Variants in ANKRD18A observed in about 807,000 individuals in gnomAD.
The protein encoded by ANKRD18A is ankyrin repeat domain-containing protein 18A.
In ANKRD18A, 72 loss-of-function variants were observed where a neutral mutation model predicts 110.6. The ratio of observed to expected loss-of-function variants is 0.65; its 90% CI spans 0.54 to 0.79. ANKRD18A has a LOEUF of 0.79. ANKRD18A is among the 30% of genes least tolerant of loss of function. ANKRD18A has a pLI of 0.00. For synonymous variants in ANKRD18A, 305 were observed against 410.3 expected, an observed-to-expected ratio of 0.74 and a Z score of 3.10; for missense variants, 934 against 1,163.3, an observed-to-expected ratio of 0.80 and a Z score of 2.87.
chr9:38,619,594 G>A (rs1377471458), intron 1 of ANKRD18A, among the ~76,000 whole-genome samples: 1 of 152,132 alleles, frequency 6.6e-6, no homozygotes, highest in Non-Finnish European at 1.5e-5. Context: ...TCTTCATTCA[G>A]TTTATGTAAA....
At chr9:38,605,290 G>A (rs1207279450) in intron 6 of ANKRD18A, among the ~76,000 whole-genome samples, 1 of 152,170 alleles carries the variant, frequency 6.6e-6, no homozygotes, top group Non-Finnish European at 1.5e-5. Flanking sequence ...ACAAGTATTT[G>A]AATGAATTAC....
chr9:38,570,637 T>C (rs930092985), downstream of ANKRD18A, among the ~76,000 whole-genome samples: 8 of 152,180 alleles, frequency 5.3e-5, no homozygotes, highest in African/African-American at 1.9e-4. Context: ...CTGACCATGG[T>C]CCACTGACGA....
intron 12 of ANKRD18A, 38 bp downstream of exon 12, chr9:38,586,145 C>G: frequency 6.5e-7 from 1 of 1,539,506 alleles, no homozygotes; most frequent in Non-Finnish European, 8.8e-7. Context: ...CACATGTAAT[C>G]TAGACCTTAA....
intron 1 of ANKRD18A, among the ~76,000 whole-genome samples, chr9:38,617,183 T>G (rs548007281): frequency 3.9e-5 from 6 of 152,246 alleles, no homozygotes; most frequent in Non-Finnish European, 8.8e-5. Context: ...GGCTCACGCC[T>G]GTGATCCCAG....
chr9:38,607,381 T>G (rs1426613798), intron 6 of ANKRD18A, 45 bp downstream of exon 6: 1 of 1,422,936 alleles, frequency 7.0e-7, no homozygotes, highest in Admixed American at 2.8e-5. Context: ...TTAAAATCAG[T>G]AAGATCACCA....
intron 11 of ANKRD18A, 108 bp from the exon 12 acceptor site, chr9:38,586,420 C>T: frequency 1.0e-6 from 1 of 981,098 alleles, no homozygotes; most frequent in Non-Finnish European, 1.5e-6. Flanking sequence ...AATCTATAAA[C>T]TATGATCCTC....
At position 38,596,183 on chromosome 9, in the gene ANKRD18A, C is replaced by G. The variant is rs546726195; in HGVS notation, c.1157G>C (p.Arg386Pro). The G allele has an allele frequency of 6.5e-7, 1 of 1,541,218 alleles. No individual in the cohort carries two copies. The highest frequency in any genetic ancestry group is 8.7e-7 in the Non-Finnish European group (1 of 1,142,968). The change falls in exon 9 of 16, where the codon CGG (arginine) becomes CCG (proline). Residue 386 changes from arginine to proline, a missense_variant. Coordinates refer to ENST00000399703, the MANE Select transcript of ANKRD18A (RefSeq NM_147195.4). ...CAGATCATTAAGCTGTTGCGAATAC[C>G]GGGCCACTGTTTTTGTTATCATTTT... is the stretch of plus-strand genomic sequence containing the variant. The part of the protein sequence containing the change: ...NEKMITKTVA[R>P]YSQQLNDLKA...
chr9:38,579,789 A>G (rs1448165338), intron 12 of ANKRD18A, among the ~76,000 whole-genome samples: 1 of 152,222 alleles, frequency 6.6e-6, no homozygotes, highest in Admixed American at 6.5e-5. Flanking sequence ...AAAATGAACA[A>G]TGCAACTGCC....
intron 5 of ANKRD18A, among the ~76,000 whole-genome samples, chr9:38,608,270 T>C (rs575643560): frequency 6.6e-6 from 1 of 152,218 alleles, no homozygotes; most frequent in South Asian, 2.1e-4. Context: ...ATTCCTTCTC[T>C]ACCTCCTCAA....
intron 7 of ANKRD18A, among the ~76,000 whole-genome samples, chr9:38,601,991 G>GAAA (rs66982362): frequency 0.012 from 969 of 79,626 alleles, 6 homozygotes; most frequent in African/African-American, 0.04. Context: ...TCCAAAAACA[G>GAAA]AAAAAAAAAA....
At chr9:38,596,429 G>A in intron 8 of ANKRD18A, 26 bp from the exon 9 acceptor site, 5 of 1,401,894 alleles carry the variant, frequency 3.6e-6, no homozygotes, top group Non-Finnish European at 4.7e-6. Flanking sequence ...CAAATTTTTA[G>A]TTAGCACTCA....
chr9:38,594,003 A>C, intron 9 of ANKRD18A, 94 bp from the exon 10 acceptor site: 1 of 1,211,128 alleles, frequency 8.3e-7, no homozygotes, highest in Non-Finnish European at 1.1e-6. Flanking sequence ...GAAAATTATT[A>C]CCACACACAC....
chr9:38,601,327 G>C, intron 7 of ANKRD18A, 123 bp from the exon 8 acceptor site: 1 of 984,210 alleles, frequency 1.0e-6, no homozygotes, highest in South Asian at 2.2e-5. Context: ...ATGTTTACTG[G>C]AATATTTACA....
chr9:38,607,817 T>G (rs547023454), intron 5 of ANKRD18A, among the ~76,000 whole-genome samples: 1 of 152,370 alleles, frequency 6.6e-6, no homozygotes, highest in African/African-American at 2.4e-5. Flanking sequence ...CAGTTGCTTC[T>G]CTTAGCCTCC....
At position 38,615,665 on chromosome 9, in the gene ANKRD18A, C is replaced by T. The variant is rs1344580959; in HGVS notation, c.424G>A (p.Val142Met). ...GCCAGTGAAGTCCCCTTATTATACA[C>T]GGCATAATGGAGAGCAGTGTTGCCG... ...IYGNTALHYA[V>M]YNKGTSLAER... The change falls in exon 3 of 16, where the codon GTG becomes ATG. Residue 142 changes from valine (V) to methionine (M), a missense_variant. Physicochemically the swap from Val to Met is conservative, Grantham distance 21. This residue lies in a region of ANKRD18A where 630 missense variants were observed against 797.5 expected (regional missense o/e 0.79). Coordinates refer to ENST00000399703, the MANE Select transcript of ANKRD18A (RefSeq NM_147195.4). 9.3e-6 allele frequency: 15 copies of T among 1,611,656 alleles called. No homozygotes were observed. Among genetic ancestry groups the T allele is most frequent in the African/African-American group, 1.3e-5 (1 of 74,840 alleles).
chr9:38,606,129 C>A (rs566293066), intron 6 of ANKRD18A, among the ~76,000 whole-genome samples: 1 of 152,266 alleles, frequency 6.6e-6, no homozygotes, highest in South Asian at 2.1e-4. Flanking sequence ...CAGTAGCTAT[C>A]TTCAAAAATA....
In ANKRD18A at chr9:38,571,669, T is replaced by G; in HGVS notation, c.*376A>C. Reference sequence around the variant, plus strand: ...AAATGCAAAGAAGCCCTCGATGACCTTTACTAAAGTATCAATGATGACTTG... The same window carrying G: ...AAATGCAAAGAAGCCCTCGATGACCGTTACTAAAGTATCAATGATGACTTG... On this transcript the variant is annotated 3_prime_UTR_variant, in exon 16 of 16. Transcript: ENST00000399703. 9.8e-7 allele frequency: 1 copy of G among 1,022,390 alleles called. No homozygotes were observed. Among genetic ancestry groups the G allele is most frequent in the African/African-American group, 1.7e-5 (1 of 58,180 alleles). 63.3% of individuals were successfully genotyped at this position (1,022,390 alleles called of 1,614,324 possible). A position where few individuals can be genotyped will look rare whatever the true frequency, so the allele number is the denominator to read the frequency against.
downstream of ANKRD18A, chr9:38,569,166 G>C (rs10973912): frequency 0.31 from 306,657 of 978,682 alleles, 49,223 homozygotes; most frequent in East Asian, 0.44. Context: ...ATCACGGAGC[G>C]AGACTGGGCC....
intron 12 of ANKRD18A, among the ~76,000 whole-genome samples, chr9:38,582,853 A>C (rs1302679002): frequency 1.3e-5 from 2 of 152,248 alleles, no homozygotes; most frequent in Non-Finnish European, 2.9e-5. Context: ...GTGCCTGAGA[A>C]GACAGTATCA....
Sources: allele counts gnomAD v4.1 joint callset (sites outside exome capture counted in the v4.1 genomes callset), GRCh38; gene constraint gnomAD v4.1.1; regional missense constraint gnomAD v4.1.1; transcripts MANE v1.5; gene names NCBI Gene and HGNC (gene_info 2026-07-23, HGNC 2026-07-21).